The following GABRA1 variants were observed in gnomAD, a reference collection of about 807,000 sequenced individuals.
GABRA1 encodes the protein gamma-aminobutyric acid receptor subunit alpha-1.
A neutral mutation model predicts 48.9 loss-of-function variants in GABRA1; 9 were observed. The ratio of observed to expected loss-of-function variants is 0.18; its 90% confidence interval spans 0.11 to 0.32. The LOEUF (loss-of-function observed/expected upper bound fraction) is 0.32. Among genes scored for constraint, GABRA1 ranks in the 10% least tolerant of loss-of-function variants. The pLI is 1.00. For missense variants in GABRA1, 285 were observed against 553.8 expected, an observed-to-expected ratio of 0.51 and a Z score of 4.87; for synonymous variants, 210 against 198.7, an observed-to-expected ratio of 1.06 and a Z score of -0.48.
chr5:161,897,321 A>AGAAC lies in GABRA1; in HGVS notation c.1273_1274insCGAA (p.Ile425ThrfsTer12). ...TGTCAGCAAAATTGACCGACTGTCA[A>AGAAC]GAATAGCCTTCCCGCTGCTATTTGG... On this transcript the variant is annotated frameshift_variant, in exon 10 of 10. Transcript: ENST00000393943. LOFTEE classifies it high-confidence loss of function. 2 of 1,614,182 alleles carry AGAAC rather than the reference A, an allele frequency of 1.2e-6. No homozygotes were observed. The highest frequency in any genetic ancestry group is 1.7e-6 in the Non-Finnish European group (2 of 1,180,010).
chr5:161,890,008 A>G (rs972441364), intron 7 of GABRA1, among the ~76,000 whole-genome samples: 1 of 152,098 alleles, frequency 6.6e-6, no homozygotes, highest in Non-Finnish European at 1.5e-5. Flanking sequence ...TATTAACCCT[A>G]TATTTTGAGT....
chr5:161,861,583 C>G (rs1396078233), intron 3 of GABRA1, among the ~76,000 whole-genome samples: 39 of 151,198 alleles, frequency 2.6e-4, no homozygotes, highest in Admixed American at 2.5e-3. Flanking sequence ...GTGTCTACCC[C>G]CATATCTAGA....
At chr5:161,848,977 T>C (rs929798031) in intron 1 of GABRA1, 9 of 455,326 alleles carry the variant, frequency 2.0e-5, no homozygotes, top group Non-Finnish European at 3.5e-5. Flanking sequence ...TGTGTAGGGG[T>C]CTCTCCCATT....
chr5:161,896,203 T>C (rs1755360938), intron 9 of GABRA1, among the ~76,000 whole-genome samples: 1 of 152,194 alleles, frequency 6.6e-6, no homozygotes, highest in Non-Finnish European at 1.5e-5. Context: ...ATCCTTTATT[T>C]ACCAAGTGCG....
chr5:161,872,610 AG>A (rs1371923949), intron 4 of GABRA1, among the ~76,000 whole-genome samples: 3 of 152,192 alleles, frequency 2.0e-5, no homozygotes, highest in Non-Finnish European at 2.9e-5. Flanking sequence ...CGCCAAAAAA[AG>A]ATGGAATTTT....
In GABRA1 at chr5:161,897,662, G is replaced by A. The variant is rs1371426642; in HGVS notation, c.*240G>A. ...AAAGAGCAAAGTCATGTCAGAAGGAGACAGAATGAGAGAGAAAAGAGGGGG... is the reference window on the plus strand; with the variant it reads ...AAAGAGCAAAGTCATGTCAGAAGGAAACAGAATGAGAGAGAAAAGAGGGGG... On this transcript the variant is annotated 3_prime_UTR_variant, in exon 10 of 10. Coordinates refer to ENST00000393943, the MANE Select transcript of GABRA1 (RefSeq NM_001127644.2). 2 of 493,368 alleles carry A rather than the reference G, an allele frequency of 4.1e-6. No homozygotes were observed. Among genetic ancestry groups the A allele is most frequent in the Non-Finnish European group, 7.2e-6 (2 of 279,208 alleles). 30.6% of individuals were successfully genotyped at this position (493,368 alleles called of 1,614,324 possible).
At chr5:161,862,838 TA>T (rs1311087407) in intron 3 of GABRA1, among the ~76,000 whole-genome samples, 2 of 151,988 alleles carry the variant, frequency 1.3e-5, no homozygotes, top group Admixed American at 1.3e-4. Context: ...TTTGAGCAGG[TA>T]TTATTTCTTC....
At chr5:161,887,600 C>T (rs1754906197) in intron 7 of GABRA1, among the ~76,000 whole-genome samples, 1 of 152,112 alleles carries the variant, frequency 6.6e-6, no homozygotes, top group South Asian at 2.1e-4. Context: ...CCACCACTTT[C>T]TCAATAACAT....
At chr5:161,860,626 C>A (rs1757816245) in intron 3 of GABRA1, among the ~76,000 whole-genome samples, 1 of 150,626 alleles carries the variant, frequency 6.6e-6, no homozygotes, top group Non-Finnish European at 1.5e-5. Context: ...TTTAAAATAA[C>A]TAAAAGAGTA....
Position 161,875,613 on chromosome 5 carries a change from C to A in GABRA1, c.530C>A (p.Ala177Asp), listed in dbSNP as rs2113389113. The A allele has an allele frequency of 6.2e-7, 1 of 1,613,248 alleles. No homozygotes were observed. Among genetic ancestry groups the A allele is most frequent in the Non-Finnish European group, 8.5e-7 (1 of 1,179,376 alleles). ...PMHLEDFPMD[A>D]HACPLKFGSY... is the part of the protein sequence containing the mutation. ...CATTTGGAGGACTTCCCTATGGATG[C>A]CCATGCTTGCCCACTAAAATTTGGA... The change falls in exon 6 of 10, where the codon GCC (alanine) becomes GAC (aspartate). Residue 177 changes from alanine to aspartate, a missense_variant. Physicochemically the swap from Ala to Asp is moderately radical, Grantham distance 126 (BLOSUM62 -2). This residue lies in a region of GABRA1 where 105 missense variants were observed against 267.4 expected (regional missense o/e 0.39). Transcript: ENST00000393943.
At chr5:161,852,096 A>G (rs1341141493) in intron 2 of GABRA1, among the ~76,000 whole-genome samples, 1 of 152,202 alleles carries the variant, frequency 6.6e-6, no homozygotes, top group East Asian at 1.9e-4. Context: ...GTAAGTTAGA[A>G]GTAAAGATGA....
In GABRA1 at chr5:161,897,765, A is replaced by G. The variant is rs1353723859; in HGVS notation, c.*343A>G. ...AAACCCCTAGGTCATTTGTAGATATATATTTCCAAATATTCTAAAAAAGAT... is the reference window on the plus strand; with the variant it reads ...AAACCCCTAGGTCATTTGTAGATATGTATTTCCAAATATTCTAAAAAAGAT... On this transcript the variant is annotated 3_prime_UTR_variant, in exon 10 of 10. Transcript: ENST00000393943. 3 of 200,822 alleles carry G rather than the reference A, an allele frequency of 1.5e-5. No homozygotes were observed. The East Asian group carries it at 4.0e-4, about 27-fold the overall frequency. The allele number at this position is 200,822 out of a possible 1,614,324, so 12.4% of individuals were successfully genotyped here.
At chr5:161,868,043 A>C (rs188660879) in intron 4 of GABRA1, among the ~76,000 whole-genome samples, 1 of 148,440 alleles carries the variant, frequency 6.7e-6, no homozygotes, top group African/African-American at 2.5e-5. Context: ...GGAGCCTATA[A>C]TATTAAAAAA....
At chr5:161,877,489 G>T (rs1195941435) in intron 6 of GABRA1, among the ~76,000 whole-genome samples, 2 of 152,158 alleles carry the variant, frequency 1.3e-5, no homozygotes, top group South Asian at 4.1e-4. Flanking sequence ...CAAGATGGCT[G>T]CTGTAACTCC....
At chr5:161,881,335 G>A (rs578031298) in intron 6 of GABRA1, among the ~76,000 whole-genome samples, 2 of 152,224 alleles carry the variant, frequency 1.3e-5, no homozygotes, top group African/African-American at 2.4e-5. Flanking sequence ...GGGTGTTATA[G>A]GACTAGAAAT....
At chr5:161,862,510 T>C (rs1015287629) in intron 3 of GABRA1, among the ~76,000 whole-genome samples, 3 of 151,910 alleles carry the variant, frequency 2.0e-5, no homozygotes, top group African/African-American at 7.2e-5. Context: ...TTTCAGAGCA[T>C]TTATAATCTG....
chr5:161,888,768 T>C (rs1290821315), intron 7 of GABRA1, among the ~76,000 whole-genome samples: 1 of 152,024 alleles, frequency 6.6e-6, no homozygotes, highest in Non-Finnish European at 1.5e-5. Context: ...CACTTTCTTC[T>C]TTTCAAATGA....
chr5:161,850,461 C>G (rs189461261), intron 1 of GABRA1: 35 of 467,454 alleles, frequency 7.5e-5, no homozygotes, highest in East Asian at 6.0e-4. Context: ...TGATAAACAA[C>G]AAGAAGAGAA....
intron 1 of GABRA1, 93 bp from the exon 2 acceptor site, chr5:161,850,703 A>C (rs1465551298): frequency 9.9e-7 from 1 of 1,008,114 alleles, no homozygotes; most frequent in East Asian, 2.4e-5. Flanking sequence ...CCTGACTTCA[A>C]AGCATTCATC....
Sources: gnomAD v4.1 joint callset for allele counts (sites outside exome capture counted in the v4.1 genomes callset) on GRCh38, gnomAD v4.1.1 for gene constraint, gnomAD v4.1.1 regional missense constraint, MANE v1.5 for transcripts, NCBI Gene and HGNC (gene_info 2026-07-23, HGNC 2026-07-21) for gene names.